Variants in VWA8 observed in about 807,000 individuals in gnomAD.
The protein encoded by VWA8 is von Willebrand factor A domain containing 8, also known as von Willebrand factor A domain-containing protein 8.
A neutral mutation model predicts 241.5 loss-of-function variants in VWA8; 221 were observed. The observed-to-expected ratio is 0.91, with a 90% CI of 0.82 to 1.02. The LOEUF is 1.02. Among genes scored for constraint, VWA8 ranks in the 50% least tolerant of loss-of-function variants. VWA8 has a pLI of 0.00. For synonymous variants in VWA8, 852 were observed against 827.1 expected, an observed-to-expected ratio of 1.03 and a Z score of -0.52; for missense variants, 2,322 against 2,328.7, an observed-to-expected ratio of 1.00 and a Z score of 0.06.
chr13:41,770,797 A>C (rs1395468967), intron 20 of VWA8, among the ~76,000 whole-genome samples: 1 of 151,268 alleles, frequency 6.6e-6, no homozygotes, highest in Admixed American at 6.6e-5. Flanking sequence ...TTGGAGTTTT[A>C]GTAAGGGCAA....
At chr13:41,635,270 T>C (rs753749722) in intron 37 of VWA8, among the ~76,000 whole-genome samples, 1 of 152,010 alleles carries the variant, frequency 6.6e-6, no homozygotes, top group Non-Finnish European at 1.5e-5. Context: ...GATGGGAAAG[T>C]GAAAGAGTGC....
chr13:41,888,727 C>T (rs1874667399), intron 5 of VWA8, among the ~76,000 whole-genome samples: 1 of 152,204 alleles, frequency 6.6e-6, no homozygotes, highest in South Asian at 2.1e-4. Context: ...ACATGACTGT[C>T]TCATGCTAGC....
chr13:41,721,688 G>A (rs2045393550), intron 24 of VWA8, 113 bp from the exon 25 acceptor site: 2 of 1,129,236 alleles, frequency 1.8e-6, no homozygotes, highest in East Asian at 4.9e-5. Flanking sequence ...AGCATAGAAA[G>A]CCCATCCAAC....
intron 21 of VWA8, among the ~76,000 whole-genome samples, chr13:41,739,857 G>GTTTTTTTTT (rs368778376): frequency 2.0e-4 from 13 of 64,506 alleles, no homozygotes; most frequent in South Asian, 5.8e-4. Flanking sequence ...TGTTTTTTTT[G>GTTTTTTTTT]TTTTTTTTTT....
chr13:41,953,659 G>A (rs988699434), intron 1 of VWA8, among the ~76,000 whole-genome samples: 2 of 152,104 alleles, frequency 1.3e-5, no homozygotes, highest in African/African-American at 4.8e-5. Context: ...TACAAAATTA[G>A]CTGAGCGTGG....
At chr13:41,894,536 A>C (rs1356726289) in intron 4 of VWA8, among the ~76,000 whole-genome samples, 2 of 152,262 alleles carry the variant, frequency 1.3e-5, no homozygotes, top group Non-Finnish European at 2.9e-5. Context: ...AATGATAGAA[A>C]TAGAAAATGA....
At chr13:41,628,059 C>A (rs750133594) in intron 37 of VWA8, among the ~76,000 whole-genome samples, 2 of 152,106 alleles carry the variant, frequency 1.3e-5, no homozygotes, top group Non-Finnish European at 2.9e-5. Context: ...ATAGGGTGTA[C>A]CCCAAGTAGA....
intron 3 of VWA8, 114 bp downstream of exon 3, chr13:41,911,924 C>T (rs1472581194): frequency 8.5e-7 from 1 of 1,177,862 alleles, no homozygotes; most frequent in African/African-American, 1.6e-5. Flanking sequence ...TTGATGTCAG[C>T]ATTTGTTTCA....
At chr13:41,925,726 C>A in intron 2 of VWA8, 1 of 196,068 alleles carries the variant, frequency 5.1e-6, no homozygotes, top group South Asian at 9.2e-5. Context: ...AGGAAGAACT[C>A]AGTGAGAAAG....
intron 17 of VWA8, among the ~76,000 whole-genome samples, chr13:41,792,403 C>CAT (rs1869500020): frequency 6.6e-6 from 1 of 151,898 alleles, no homozygotes; most frequent in African/African-American, 2.4e-5. Context: ...TACAATGCTA[C>CAT]ATCTTATATA....
chr13:41,916,291 T>C (rs1876252445), intron 2 of VWA8, among the ~76,000 whole-genome samples: 1 of 152,190 alleles, frequency 6.6e-6, no homozygotes, highest in Admixed American at 6.5e-5. Context: ...TAAACCAAGA[T>C]TTATACCTAA....
chr13:41,605,201 C>A lies in VWA8; in HGVS notation c.4953G>T (p.Val1651=). The A allele has an allele frequency of 6.2e-7, 1 of 1,613,174 alleles. No homozygotes were observed. The highest frequency in any genetic ancestry group is 8.5e-7 in the Non-Finnish European group (1 of 1,179,362). The change falls in exon 40 of 45, where the codon GTG becomes GTT. Residue 1651 remains valine, a synonymous_variant. Coordinates refer to ENST00000379310, the MANE Select transcript of VWA8 (RefSeq NM_015058.2). ...ERFSGAVRRQ[V]HSLRIILDNL... ...TATCCAGGATGATTCGGAGGGAGTGCACCTGTCGCCGAACAGCACCTGAAA... is the reference window on the plus strand; with the variant it reads ...TATCCAGGATGATTCGGAGGGAGTGAACCTGTCGCCGAACAGCACCTGAAA...
At chr13:41,832,677 CAG>C (rs939756286) in intron 13 of VWA8, among the ~76,000 whole-genome samples, 1 of 151,842 alleles carries the variant, frequency 6.6e-6, no homozygotes, top group Non-Finnish European at 1.5e-5. Flanking sequence ...CCAAAATAAA[CAG>C]AAAATATCAG....
chr13:41,730,849 A>C (rs567084841), intron 22 of VWA8, among the ~76,000 whole-genome samples: 229 of 152,036 alleles, frequency 1.5e-3, no homozygotes, highest in African/African-American at 5.2e-3. Context: ...TACCACAATT[A>C]TTTTAAACCA....
At chr13:41,871,217 T>C (rs1873590577) in intron 9 of VWA8, among the ~76,000 whole-genome samples, 1 of 152,196 alleles carries the variant, frequency 6.6e-6, no homozygotes, top group African/African-American at 2.4e-5. Flanking sequence ...AAGTAGAAAA[T>C]AAGAGTTTGT....
At chr13:41,665,983 T>C (rs774127398) in intron 37 of VWA8, among the ~76,000 whole-genome samples, 5 of 152,248 alleles carry the variant, frequency 3.3e-5, no homozygotes, top group Middle Eastern at 3.4e-3. Context: ...TGGATATGCA[T>C]AAAAAGTTAA....
intron 12 of VWA8, among the ~76,000 whole-genome samples, chr13:41,848,025 A>C (rs1872363875): frequency 6.6e-6 from 1 of 152,178 alleles, no homozygotes; most frequent in Non-Finnish European, 1.5e-5. Context: ...GGAAATGTTC[A>C]TGGTTACAGT....
intron 37 of VWA8, among the ~76,000 whole-genome samples, chr13:41,653,084 A>C (rs1295174308): frequency 6.6e-6 from 1 of 152,240 alleles, no homozygotes; most frequent in Non-Finnish European, 1.5e-5. Flanking sequence ...AATTCACTAT[A>C]ATTACATTAT....
chr13:41,732,810 T>C (rs2045495173), intron 21 of VWA8, among the ~76,000 whole-genome samples: 2 of 152,222 alleles, frequency 1.3e-5, no homozygotes, highest in African/African-American at 2.4e-5. Context: ...GCTATCCTGA[T>C]GTTAAGAACC....
Sources: allele counts gnomAD v4.1 joint callset (sites outside exome capture counted in the v4.1 genomes callset), GRCh38; gene constraint gnomAD v4.1.1; transcripts MANE v1.5; gene names NCBI Gene and HGNC (gene_info 2026-07-23, HGNC 2026-07-21).